The following PCDH9 variants were observed in gnomAD, a reference collection of about 807,000 sequenced individuals.
The protein encoded by PCDH9 is protocadherin 9.
Under a neutral mutation model 70.6 loss-of-function variants are expected in PCDH9, and 24 were observed. The observed-to-expected ratio is 0.34, with a 90% CI of 0.25 to 0.48. The LOEUF is 0.48. PCDH9 is among the 20% of genes least tolerant of loss of function. The pLI, the probability that PCDH9 is intolerant of heterozygous loss-of-function variation, is 0.99. For synonymous variants in PCDH9, 562 were observed against 558.5 expected, an observed-to-expected ratio of 1.01 and a Z score of -0.09; for missense variants, 1,281 against 1,503.6, an observed-to-expected ratio of 0.85 and a Z score of 2.45.
intron 3 of PCDH9, among the ~76,000 whole-genome samples, chr13:66,803,620 G>C (rs1733625106): frequency 6.6e-6 from 1 of 152,052 alleles, no homozygotes; most frequent in Admixed American, 6.6e-5. Context: ...AGCAGGTTTT[G>C]TTTTATTTTC....
At chr13:66,362,100 AC>A (rs1473516176) in intron 4 of PCDH9, among the ~76,000 whole-genome samples, 1 of 152,198 alleles carries the variant, frequency 6.6e-6, no homozygotes. Flanking sequence ...TATCTAGAGC[AC>A]TGAATATCAT....
chr13:66,676,533 T>C (rs2078245276), intron 3 of PCDH9, among the ~76,000 whole-genome samples: 1 of 152,138 alleles, frequency 6.6e-6, no homozygotes, highest in Non-Finnish European at 1.5e-5. Flanking sequence ...TGGAAAGTTG[T>C]AGAGAGGCTA....
chr13:67,191,892 A>G (rs1355709630), intron 2 of PCDH9, among the ~76,000 whole-genome samples: 2 of 152,144 alleles, frequency 1.3e-5, no homozygotes, highest in Non-Finnish European at 1.5e-5. Flanking sequence ...CTTGCTTTCA[A>G]TATGATCCTA....
At chr13:67,221,180 T>C (rs2089716929) in intron 2 of PCDH9, 1 of 152,208 alleles carries the variant, frequency 6.6e-6, no homozygotes. Flanking sequence ...ATTGAAAATA[T>C]CTTAAAGATT....
At chr13:66,517,325 C>T (rs77570862) in intron 4 of PCDH9, among the ~76,000 whole-genome samples, 3,019 of 152,208 alleles carry the variant, frequency 0.02, 98 homozygotes, top group African/African-American at 0.068. Context: ...ATGATATAAA[C>T]TGCACTTCCT....
At chr13:66,819,474 G>A (rs866255731) in intron 3 of PCDH9, among the ~76,000 whole-genome samples, 122 of 152,136 alleles carry the variant, frequency 8.0e-4, no homozygotes, top group African/African-American at 2.6e-3. Context: ...CTTTTACTAC[G>A]ATAAAAAATA....
intron 4 of PCDH9, among the ~76,000 whole-genome samples, chr13:66,518,010 G>C (rs1373409526): frequency 6.6e-6 from 1 of 152,072 alleles, no homozygotes; most frequent in Non-Finnish European, 1.5e-5. Context: ...AGAAATACCT[G>C]AGATTGGGTA....
chr13:66,710,071 A>G (rs1000823076), intron 3 of PCDH9, among the ~76,000 whole-genome samples: 2 of 152,186 alleles, frequency 1.3e-5, no homozygotes, highest in Non-Finnish European at 2.9e-5. Context: ...AGAAGTTTAC[A>G]AAAAGGAATA....
chr13:66,705,102 G>A (rs2078694673), intron 3 of PCDH9, among the ~76,000 whole-genome samples: 1 of 152,008 alleles, frequency 6.6e-6, no homozygotes, highest in Admixed American at 6.6e-5. Context: ...GGTTACAAAG[G>A]GGTAAGTGTA....
At chr13:66,907,035 G>A (rs764783288) in intron 2 of PCDH9, among the ~76,000 whole-genome samples, 5 of 151,878 alleles carry the variant, frequency 3.3e-5, no homozygotes, top group African/African-American at 4.8e-5. Context: ...GCAAAACCCC[G>A]TCTACTGAAA....
chr13:66,504,615 C>T (rs762742595), intron 4 of PCDH9, among the ~76,000 whole-genome samples: 10 of 152,132 alleles, frequency 6.6e-5, no homozygotes, highest in Non-Finnish European at 1.0e-4. Context: ...CATCGATAGA[C>T]TGAACTTGTA....
chr13:67,074,301 C>T (rs2085833993), intron 2 of PCDH9, among the ~76,000 whole-genome samples: 1 of 152,034 alleles, frequency 6.6e-6, no homozygotes, highest in Non-Finnish European at 1.5e-5. Flanking sequence ...AGCACTCCCT[C>T]GCCCCTTCCC....
intron 2 of PCDH9, among the ~76,000 whole-genome samples, chr13:67,110,920 G>A (rs150394514): frequency 1.3e-5 from 2 of 152,226 alleles, no homozygotes; most frequent in Admixed American, 6.5e-5. Context: ...CAAATTAATT[G>A]TTCACAGGAT....
intron 2 of PCDH9, among the ~76,000 whole-genome samples, chr13:67,176,741 T>A (rs1394307816): frequency 2.6e-5 from 4 of 152,108 alleles, no homozygotes; most frequent in Admixed American, 1.3e-4. Context: ...GGCTCTTTCA[T>A]GGGACATTTT....
intron 2 of PCDH9, among the ~76,000 whole-genome samples, chr13:67,058,722 G>T (rs750022076): frequency 2.6e-5 from 4 of 152,120 alleles, no homozygotes; most frequent in African/African-American, 4.8e-5. Flanking sequence ...ACAGGTACAA[G>T]TAATTGTACT....
In PCDH9 at chr13:66,708,402, A is replaced by AGTG. The variant is rs1327633471; in HGVS notation, c.3139-76992_3139-76991insCAC. 3.0e-3 allele frequency among the ~76,000 whole-genome samples: 265 copies of AGTG among 88,372 alleles called. 1 individual carries two copies. The highest frequency in any genetic ancestry group is 8.7e-3 in the African/African-American group (252 of 29,094). The allele number at this position is 88,372 out of a possible 152,430, so 58.0% of individuals were successfully genotyped here. On this transcript the variant is annotated intron_variant, in intron 3 of 4. Transcript: ENST00000377865. ...AACTTTCAAGTGTACTTTGAGATTT[A>AGTG]GTTTTTTTTTTTTTTTTTCTTTCTT... is the stretch of plus-strand genomic sequence containing the variant.
intron 4 of PCDH9, among the ~76,000 whole-genome samples, chr13:66,549,469 C>G (rs1372398805): frequency 6.6e-6 from 1 of 152,022 alleles, no homozygotes; most frequent in African/African-American, 2.4e-5. Flanking sequence ...TCTTAATAAA[C>G]TGTACATATA....
intron 2 of PCDH9, among the ~76,000 whole-genome samples, chr13:67,076,328 A>G (rs2085877012): frequency 6.6e-6 from 1 of 152,200 alleles, no homozygotes; most frequent in Non-Finnish European, 1.5e-5. Context: ...TAATAAATTT[A>G]TGAGAAGCTA....
At chr13:66,507,048 T>G (rs1959227425) in intron 4 of PCDH9, among the ~76,000 whole-genome samples, 1 of 152,222 alleles carries the variant, frequency 6.6e-6, no homozygotes, top group Admixed American at 6.5e-5. Context: ...AACAGAAAGC[T>G]ATCACAGGGG....
Sources: allele counts gnomAD v4.1 joint callset (sites outside exome capture counted in the v4.1 genomes callset), GRCh38; gene constraint gnomAD v4.1.1; transcripts MANE v1.5; gene names NCBI Gene and HGNC (gene_info 2026-07-23, HGNC 2026-07-21).